Variants in PI4KB observed in about 807,000 individuals in gnomAD.
PI4KB encodes the protein PtdIns 4-kinase beta.
In PI4KB, 23 loss-of-function variants were observed where a neutral mutation model predicts 81.4. The ratio of observed to expected loss-of-function variants is 0.28; its 90% CI spans 0.20 to 0.40. The LOEUF (loss-of-function observed/expected upper bound fraction) is 0.40. Ranked by LOEUF, PI4KB falls within the 10% of genes least tolerant of loss-of-function variation. The pLI is 1.00. For synonymous variants in PI4KB, 381 were observed against 406.8 expected (o/e 0.94, Z 0.76); for missense variants, 651 against 1,036.6 (o/e 0.63, Z 5.11).
At chr1:151,298,654 A>C (rs1488392903) in intron 9 of PI4KB, 154 bp downstream of exon 9, 7 of 820,880 alleles carry the variant, frequency 8.5e-6, no homozygotes, top group Admixed American at 4.4e-5. Context: ...TCCTGACTTA[A>C]TGTCATGGGA....
intron 1 of PI4KB, among the ~76,000 whole-genome samples, chr1:151,323,913 C>T (rs1328808688): frequency 6.6e-6 from 1 of 151,986 alleles, no homozygotes; most frequent in Non-Finnish European, 1.5e-5. Context: ...TCTTTGAGTA[C>T]CATTGGATTT....
At chr1:151,327,515 CA>C (rs199688728), upstream of PI4KB, 5 of 394,928 alleles carry the variant, frequency 1.3e-5, no homozygotes, top group Non-Finnish European at 2.2e-5. Context: ...CAACCAAGAC[CA>C]AAAAAATAAT....
intron 1 of PI4KB, chr1:151,326,227 G>A (rs768925300): frequency 6.3e-7 from 1 of 1,591,112 alleles, no homozygotes; most frequent in Non-Finnish European, 8.6e-7. Flanking sequence ...CTGCTCCGGA[G>A]TAGTCAACCA....
chr1:151,323,776 A>G (rs374376309), intron 1 of PI4KB, among the ~76,000 whole-genome samples: 13 of 152,076 alleles, frequency 8.5e-5, no homozygotes, highest in African/African-American at 2.9e-4. Flanking sequence ...AAAGAAATAG[A>G]GGAACAAGCA....
chr1:151,308,476 T>C (rs1178457474), intron 3 of PI4KB, among the ~76,000 whole-genome samples: 1 of 151,982 alleles, frequency 6.6e-6, no homozygotes, highest in East Asian at 1.9e-4. Context: ...TGGAAGGAGG[T>C]AGGTAGATGG....
At chr1:151,320,739 C>T (rs1053213691) in intron 1 of PI4KB, among the ~76,000 whole-genome samples, 12 of 152,210 alleles carry the variant, frequency 7.9e-5, no homozygotes, top group Admixed American at 7.2e-4. Flanking sequence ...ACCGATTCAA[C>T]GGGGACCACT....
At chr1:151,321,256 G>A (rs533715580) in intron 1 of PI4KB, among the ~76,000 whole-genome samples, 63 of 152,214 alleles carry the variant, frequency 4.1e-4, no homozygotes, top group African/African-American at 1.5e-3. Context: ...ACTGGAGCTG[G>A]GTCTCTTCCC....
intron 9 of PI4KB, among the ~76,000 whole-genome samples, chr1:151,296,123 G>C (rs1262233920): frequency 6.6e-6 from 1 of 152,138 alleles, no homozygotes; most frequent in Non-Finnish European, 1.5e-5. Flanking sequence ...GCGCATGCCT[G>C]TAATCCCAGC....
intron 8 of PI4KB, among the ~76,000 whole-genome samples, chr1:151,301,206 T>C (rs1177061224): frequency 6.6e-6 from 1 of 152,090 alleles, no homozygotes; most frequent in Admixed American, 6.6e-5. Context: ...GGAGTTGGGC[T>C]GAGTTTCCCT....
intron 7 of PI4KB, 101 bp from the exon 8 acceptor site, chr1:151,302,068 G>A: frequency 6.3e-7 from 1 of 1,586,134 alleles, no homozygotes; most frequent in Non-Finnish European, 8.6e-7. Context: ...CATAGGGCAA[G>A]GACCCAGACA....
Position 151,310,223 on chromosome 1 carries a change from ATTATCAATACTCTCGGTGCT to A in PI4KB, c.922_941del (p.Ser308PhefsTer11). On this transcript the variant is annotated frameshift_variant, in exon 3 of 12. Transcript: ENST00000368873. LOFTEE classifies it high-confidence loss of function. ...TGGCCCCACTTACGGAACTGAATGAATTATCAATACTCTCGGTGCTGGAGGAGAGCTCCTGGGAAAGGGCC... is the reference window on the plus strand; with the variant it reads ...TGGCCCCACTTACGGAACTGAATGAAGGAGGAGAGCTCCTGGGAAAGGGCC... 1 of 1,462,742 alleles carries A rather than the reference ATTATCAATACTCTCGGTGCT, an allele frequency of 6.8e-7. No homozygotes were observed. Among genetic ancestry groups the A allele is most frequent in the Non-Finnish European group, 9.2e-7 (1 of 1,085,516 alleles). The allele number at this position is 1,462,742 out of a possible 1,614,324, so 90.6% of individuals were successfully genotyped here. A position where few individuals can be genotyped will look rare whatever the true frequency, so the allele number is the denominator to read the frequency against.
At chr1:151,321,322 A>G (rs181481290) in intron 1 of PI4KB, among the ~76,000 whole-genome samples, 5 of 152,310 alleles carry the variant, frequency 3.3e-5, no homozygotes, top group Admixed American at 1.3e-4. Context: ...TATGGAGAAG[A>G]AGGTGTTGTA....
At chr1:151,317,845 G>A (rs1648202035) in intron 1 of PI4KB, among the ~76,000 whole-genome samples, 1 of 151,978 alleles carries the variant, frequency 6.6e-6, no homozygotes, top group South Asian at 2.1e-4. Context: ...GTCTTGCTCT[G>A]TTGCCCAGGC....
rs374373846 is a variant in PI4KB, at chr1:151,302,702, C to A, written c.1521-404G>T. Among the ~76,000 whole-genome samples, 473 of 151,138 alleles carry A rather than the reference C, an allele frequency of 3.1e-3. 2 individuals are homozygous for A. Among genetic ancestry groups the A allele is most frequent in the African/African-American group, 0.011 (455 of 41,180 alleles). ...ACGCCATTCTCCTGCCTCAGCCTCC[C>A]GAGTAGCTGGGACTACAGGCGCCCA... On this transcript the variant is annotated intron_variant, in intron 6 of 11. Transcript: ENST00000368873.
intron 7 of PI4KB, 44 bp downstream of exon 7, chr1:151,302,150 C>T (rs1403217645): frequency 2.6e-6 from 4 of 1,548,300 alleles, no homozygotes; most frequent in Non-Finnish European, 2.7e-6. Flanking sequence ...CTTACAACTG[C>T]CTCTGAGCTT....
intron 1 of PI4KB, chr1:151,324,794 T>C (rs1415170509): frequency 2.0e-6 from 2 of 985,192 alleles, no homozygotes; most frequent in Admixed American, 1.2e-4. Context: ...ACACTTGGAC[T>C]GGGTCCCCTC....
At chr1:151,300,632 A>G (rs937104638) in intron 8 of PI4KB, 7 of 152,184 alleles carry the variant, frequency 4.6e-5, no homozygotes, top group Admixed American at 3.9e-4. Flanking sequence ...AAGGAAAAAA[A>G]AACGCTGATT....
At chr1:151,301,784 G>T in intron 8 of PI4KB, 60 bp downstream of exon 8, 1 of 1,532,554 alleles carries the variant, frequency 6.5e-7, no homozygotes, top group Non-Finnish European at 9.0e-7. Context: ...CACCCGCCTC[G>T]GCCTCCCAGA....
At chr1:151,311,436 G>A (rs1012385919) in intron 2 of PI4KB, among the ~76,000 whole-genome samples, 1 of 152,212 alleles carries the variant, frequency 6.6e-6, no homozygotes, top group Admixed American at 6.5e-5. Flanking sequence ...CTATAGTCAG[G>A]TCCTTCCTTG....
Sources: gnomAD v4.1 joint callset for allele counts (sites outside exome capture counted in the v4.1 genomes callset) on GRCh38, gnomAD v4.1.1 for gene constraint, MANE v1.5 for transcripts, NCBI Gene and HGNC (gene_info 2026-07-23, HGNC 2026-07-21) for gene names.